CCSER1: variants seen among roughly 807,000 people sequenced by gnomAD.
The protein encoded by CCSER1 is serine-rich coiled-coil domain-containing protein 1.
A neutral mutation model predicts 82.0 loss-of-function variants in CCSER1; 41 were observed. That is an observed-to-expected ratio of 0.50 (90% CI 0.39 to 0.65). The LOEUF is 0.65. Ranked by LOEUF, CCSER1 falls within the 30% of genes least tolerant of loss-of-function variation. The pLI is 0.00. For missense variants in CCSER1, 1,119 were observed against 1,064.2 expected (o/e 1.05, Z -0.72); for synonymous variants, 414 against 383.9 (o/e 1.08, Z -0.92).
intron 10 of CCSER1, among the ~76,000 whole-genome samples, chr4:91,369,272 C>T (rs973260210): frequency 2.6e-5 from 4 of 152,128 alleles, no homozygotes; most frequent in Admixed American, 1.3e-4. Context: ...TCAGCCTCGG[C>T]GATGAAACAA....
rs1054090016 is a variant in CCSER1, at chr4:90,456,025, G to A, written c.1604-12209G>A. On this transcript the variant is annotated intron_variant, in intron 4 of 10. Transcript: ENST00000509176. ...CAAATTGCAGCCAGAAACTGGTGGG[G>A]CAGCCCATCTCTTGCTTCCTTATTA... Among the ~76,000 whole-genome samples the A allele has an allele frequency of 3.9e-5, 6 of 152,272 alleles. No individual in the cohort carries two copies. In the East Asian group the frequency reaches 1.2e-3, roughly 29 times the overall value.
At chr4:90,779,546 T>C (rs1369399097) in intron 7 of CCSER1, among the ~76,000 whole-genome samples, 1 of 152,230 alleles carries the variant, frequency 6.6e-6, no homozygotes, top group African/African-American at 2.4e-5. Context: ...CTTTACTGAA[T>C]GAAAGTTAAA....
chr4:91,019,275 A>T (rs1439340413), intron 9 of CCSER1, among the ~76,000 whole-genome samples: 8 of 151,942 alleles, frequency 5.3e-5, no homozygotes, highest in Non-Finnish European at 1.0e-4. Flanking sequence ...TGTCTCTCTC[A>T]TTTAAAATAT....
intron 1 of CCSER1, among the ~76,000 whole-genome samples, chr4:90,297,274 T>C (rs890581503): frequency 7.4e-5 from 11 of 148,996 alleles, no homozygotes; most frequent in African/African-American, 2.8e-4. Flanking sequence ...GGGAGTTCAC[T>C]CATGATTTGG....
chr4:90,730,552 G>A (rs530538211), intron 7 of CCSER1, among the ~76,000 whole-genome samples: 5 of 150,712 alleles, frequency 3.3e-5, no homozygotes, highest in Non-Finnish European at 7.4e-5. Context: ...CTTGGGAGAA[G>A]AAATAGACAA....
intron 8 of CCSER1, among the ~76,000 whole-genome samples, chr4:90,868,669 G>T (rs903094384): frequency 1.3e-5 from 2 of 152,002 alleles, no homozygotes; most frequent in African/African-American, 4.8e-5. Flanking sequence ...ACATAAAAAT[G>T]GAGATATACC....
At chr4:90,756,895 G>T (rs2149503516) in intron 7 of CCSER1, among the ~76,000 whole-genome samples, 1 of 152,176 alleles carries the variant, frequency 6.6e-6, no homozygotes, top group African/African-American at 2.4e-5. Flanking sequence ...TTAAAATAAT[G>T]AGATAAGGAA....
chr4:90,432,983 T>A (rs1758505257), intron 4 of CCSER1, among the ~76,000 whole-genome samples: 1 of 152,158 alleles, frequency 6.6e-6, no homozygotes, highest in Non-Finnish European at 1.5e-5. Context: ...TTCTTCCTAC[T>A]TTGCTTATAC....
At chr4:91,242,296 T>C (rs1455848007) in intron 10 of CCSER1, among the ~76,000 whole-genome samples, 3 of 152,036 alleles carry the variant, frequency 2.0e-5, no homozygotes, top group Non-Finnish European at 4.4e-5. Context: ...CATGGAGAGG[T>C]AGGAAATCCC....
chr4:91,176,881 C>T (rs1188956267), intron 10 of CCSER1, among the ~76,000 whole-genome samples: 1 of 152,166 alleles, frequency 6.6e-6, no homozygotes, highest in Non-Finnish European at 1.5e-5. Flanking sequence ...TGAGAGAGGG[C>T]ATCCCGGTCT....
chr4:90,651,948 A>G (rs1728830447), intron 6 of CCSER1, among the ~76,000 whole-genome samples: 1 of 152,146 alleles, frequency 6.6e-6, no homozygotes, highest in Admixed American at 6.5e-5. Flanking sequence ...AGCATGGACA[A>G]CTGGAGTCAA....
At chr4:90,957,253 C>G (rs151242297) in intron 9 of CCSER1, among the ~76,000 whole-genome samples, 4,544 of 146,212 alleles carry the variant, frequency 0.031, 240 homozygotes, top group African/African-American at 0.11. Context: ...AGGCCCCCCC[C>G]ACCACGTCCA....
intron 10 of CCSER1, among the ~76,000 whole-genome samples, chr4:91,261,116 T>A (rs10033746): frequency 0.51 from 77,549 of 152,034 alleles, 20,603 homozygotes; most frequent in African/African-American, 0.67. Context: ...TATACCAATT[T>A]AGTCAGAATA....
intron 1 of CCSER1, among the ~76,000 whole-genome samples, chr4:90,300,225 G>A (rs1463581733): frequency 3.9e-5 from 6 of 152,034 alleles, no homozygotes; most frequent in African/African-American, 7.2e-5. Flanking sequence ...CATTATATAC[G>A]TCTTTTCAGT....
At chr4:90,531,396 CTTT>C (rs77768534) in intron 5 of CCSER1, among the ~76,000 whole-genome samples, 10 of 130,210 alleles carry the variant, frequency 7.7e-5, no homozygotes, top group Admixed American at 2.3e-4. Context: ...CTGCAGGTTT[CTTT>C]TTTTTTTTTT....
chr4:91,483,874 G>A (rs186098882), intron 10 of CCSER1, among the ~76,000 whole-genome samples: 16 of 152,058 alleles, frequency 1.1e-4, no homozygotes, highest in East Asian at 7.7e-4. Context: ...TCTAGGGAAC[G>A]ATAACCCCAA....
chr4:90,430,793 A>C (rs956395121), intron 4 of CCSER1, among the ~76,000 whole-genome samples: 4 of 151,992 alleles, frequency 2.6e-5, no homozygotes, highest in African/African-American at 9.7e-5. Context: ...AATAGGACTA[A>C]TGAAATTTGT....
At chr4:91,441,874 G>A (rs940709483) in intron 10 of CCSER1, among the ~76,000 whole-genome samples, 1 of 152,060 alleles carries the variant, frequency 6.6e-6, no homozygotes, top group African/African-American at 2.4e-5. Flanking sequence ...ATTCACAATT[G>A]CTTCAAAGAG....
At chr4:90,571,770 G>A (rs1419737880) in intron 5 of CCSER1, among the ~76,000 whole-genome samples, 1 of 152,004 alleles carries the variant, frequency 6.6e-6, no homozygotes, top group Non-Finnish European at 1.5e-5. Context: ...CACAAAAAAT[G>A]CAGTTTTCTT....
Sources: gnomAD v4.1 joint callset for allele counts (sites outside exome capture counted in the v4.1 genomes callset) on GRCh38, gnomAD v4.1.1 for gene constraint, MANE v1.5 for transcripts, NCBI Gene and HGNC (gene_info 2026-07-23, HGNC 2026-07-21) for gene names.